Variants in NAALADL2 observed in about 807,000 individuals in gnomAD.
NAALADL2 encodes the protein N-acetylated alpha-linked acidic dipeptidase like 2.
In NAALADL2, 76 loss-of-function variants were observed where a neutral mutation model predicts 87.2. The ratio of observed to expected loss-of-function variants is 0.87; its 90% CI spans 0.72 to 1.05. The LOEUF (loss-of-function observed/expected upper bound fraction) is 1.05. Among genes scored for constraint, NAALADL2 ranks in the 50% least tolerant of loss-of-function variants. NAALADL2 has a pLI of 0.00. For synonymous variants in NAALADL2, 354 were observed against 331.0 expected, an observed-to-expected ratio of 1.07 and a Z score of -0.75; for missense variants, 1,089 against 945.8, an observed-to-expected ratio of 1.15 and a Z score of -1.99.
chr3:175,414,446 T>G (rs2902107), intron 5 of NAALADL2, among the ~76,000 whole-genome samples: 2 of 152,092 alleles, frequency 1.3e-5, no homozygotes, highest in African/African-American at 4.8e-5. Context: ...TATAGACTAC[T>G]GATCTATATA....
chr3:175,560,043 T>C, intron 9 of NAALADL2, among the ~76,000 whole-genome samples: 1 of 152,238 alleles, frequency 6.6e-6, no homozygotes, highest in Non-Finnish European at 1.5e-5. Context: ...TTTGGTAGAA[T>C]TCAGCAGTAA....
chr3:175,321,053 A>G (rs1265407895), intron 4 of NAALADL2, among the ~76,000 whole-genome samples: 4 of 151,308 alleles, frequency 2.6e-5, no homozygotes, highest in Non-Finnish European at 4.4e-5. Flanking sequence ...TTTTAGACCA[A>G]TATCCTTGAT....
At chr3:175,139,696 A>G (rs1436563472) in intron 2 of NAALADL2, among the ~76,000 whole-genome samples, 1 of 152,096 alleles carries the variant, frequency 6.6e-6, no homozygotes, top group African/African-American at 2.4e-5. Context: ...AACAAAGAGT[A>G]GGTGATTATC....
intron 4 of NAALADL2, among the ~76,000 whole-genome samples, chr3:175,267,055 A>T (rs890693368): frequency 2.0e-5 from 3 of 151,870 alleles, no homozygotes; most frequent in Admixed American, 2.0e-4. Context: ...AAGTGTGCTA[A>T]TTGATCAATT....
chr3:175,445,675 A>G (rs1456172464), intron 5 of NAALADL2, among the ~76,000 whole-genome samples: 8 of 152,156 alleles, frequency 5.3e-5, no homozygotes, highest in African/African-American at 1.9e-4. Flanking sequence ...TTATATTATT[A>G]TGACTATGTA....
chr3:175,771,704 G>A (rs933110617), intron 13 of NAALADL2, among the ~76,000 whole-genome samples: 3 of 152,062 alleles, frequency 2.0e-5, no homozygotes, highest in Non-Finnish European at 2.9e-5. Context: ...ATTGGATTTA[G>A]GGCTCATTCA....
At chr3:175,745,860 A>G (rs1745851785) in intron 12 of NAALADL2, among the ~76,000 whole-genome samples, 1 of 152,210 alleles carries the variant, frequency 6.6e-6, no homozygotes, top group Non-Finnish European at 1.5e-5. Flanking sequence ...ACAGCACTTT[A>G]AAACAATTAA....
intron 4 of NAALADL2, among the ~76,000 whole-genome samples, chr3:175,309,149 C>T (rs549337931): frequency 6.6e-6 from 1 of 152,160 alleles, no homozygotes; most frequent in African/African-American, 2.4e-5. Context: ...AAATTTATTT[C>T]CCTGATTGGT....
Position 175,726,169 on chromosome 3 carries a change from C to T in NAALADL2, c.1897-11137C>T, listed in dbSNP as rs1357109440. Reference sequence around the variant, plus strand: ...TGCCAAAAAGCTAATTTATTATTTCCGAATTAATCTGTAAATATATTTTCT... The same window carrying T: ...TGCCAAAAAGCTAATTTATTATTTCTGAATTAATCTGTAAATATATTTTCT... On this transcript the variant is annotated intron_variant, in intron 11 of 13. Coordinates refer to ENST00000454872, the MANE Select transcript of NAALADL2 (RefSeq NM_207015.3). Among the ~76,000 whole-genome samples the T allele has an allele frequency of 4.0e-5, 6 of 150,470 alleles. No individual in the cohort carries two copies. In the South Asian group the frequency reaches 6.3e-4, roughly 16 times the overall value.
intron 3 of NAALADL2, among the ~76,000 whole-genome samples, chr3:174,806,456 C>T (rs1053403721): frequency 1.3e-5 from 2 of 152,180 alleles, no homozygotes; most frequent in African/African-American, 2.4e-5. Context: ...TGAGCCTAAT[C>T]ACTGAAGAGC....
rs1458349908 is a variant in NAALADL2 at position 175,576,148 on chromosome 3, C to T, written c.1761C>T (p.Pro587=). The T allele has an allele frequency of 3.7e-6, 6 of 1,613,792 alleles. No individual in the cohort carries two copies. In the South Asian group the frequency reaches 6.6e-5, roughly 18 times the overall value. ...ATTTCATCAACCATCTTGGAGTTCC[C>T]ATCGTGCAGTTTGCTTACGAGGACA... is the stretch of plus-strand genomic sequence containing the variant. ...ADYFINHLGV[P]IVQFAYEDIK... is the part of the protein sequence containing the mutation. The change falls in exon 10 of 14, where the codon CCC becomes CCT. Residue 587 remains proline (P), a synonymous_variant. Transcript: ENST00000454872.
intron 3 of NAALADL2, among the ~76,000 whole-genome samples, chr3:175,256,187 A>C (rs1749907033): frequency 1.3e-5 from 2 of 152,198 alleles, no homozygotes. Flanking sequence ...GAGAGAGCAA[A>C]GCAAAAATGA....
At chr3:174,498,051 T>C (rs1718654452) in intron 1 of NAALADL2, among the ~76,000 whole-genome samples, 1 of 152,172 alleles carries the variant, frequency 6.6e-6, no homozygotes, top group African/African-American at 2.4e-5. Flanking sequence ...ATAATTGATA[T>C]ACAGGAAAGG....
intron 2 of NAALADL2, among the ~76,000 whole-genome samples, chr3:175,160,773 A>G (rs1048502281): frequency 6.6e-6 from 1 of 152,204 alleles, no homozygotes; most frequent in Non-Finnish European, 1.5e-5. Flanking sequence ...TAAGAGTTTC[A>G]AAGTTAAAAA....
chr3:175,591,808 A>AAAATGCTT (rs1721516734), intron 10 of NAALADL2, among the ~76,000 whole-genome samples: 2 of 142,990 alleles, frequency 1.4e-5, no homozygotes, highest in Non-Finnish European at 3.0e-5. Context: ...ATATATATAT[A>AAAATGCTT]TATATATATA....
At chr3:174,611,081 T>G (rs527937685) in intron 2 of NAALADL2, among the ~76,000 whole-genome samples, 22 of 149,568 alleles carry the variant, frequency 1.5e-4, no homozygotes, top group Non-Finnish European at 2.9e-4. Flanking sequence ...AATCAAACAC[T>G]GCATGTTGTC....
chr3:174,790,278 C>G (rs547901634), intron 3 of NAALADL2, among the ~76,000 whole-genome samples: 1 of 152,070 alleles, frequency 6.6e-6, no homozygotes, highest in African/African-American at 2.4e-5. Context: ...CCAGAGAAGC[C>G]TATGTGGCAT....
intron 5 of NAALADL2, among the ~76,000 whole-genome samples, chr3:175,376,275 T>C (rs1021398792): frequency 2.0e-5 from 3 of 152,162 alleles, no homozygotes; most frequent in Non-Finnish European, 4.4e-5. Context: ...TATTTTAACA[T>C]GTCTTGTGGT....
At chr3:175,043,827 G>C (rs185827204) in intron 1 of NAALADL2, among the ~76,000 whole-genome samples, 6 of 152,194 alleles carry the variant, frequency 3.9e-5, no homozygotes, top group Admixed American at 3.9e-4. Flanking sequence ...CTCTAGATTT[G>C]TTCTACTTGC....
Sources: gnomAD v4.1 joint callset for allele counts (sites outside exome capture counted in the v4.1 genomes callset) on GRCh38, gnomAD v4.1.1 for gene constraint, MANE v1.5 for transcripts, NCBI Gene and HGNC (gene_info 2026-07-23, HGNC 2026-07-21) for gene names.